Variants in GSTA2 observed in about 807,000 individuals in gnomAD.
GSTA2 encodes glutathione S-transferase A2.
In GSTA2, 27 loss-of-function variants were observed where a neutral mutation model predicts 22.4. The observed-to-expected ratio is 1.21, with a 90% CI of 0.89 to 1.67. The LOEUF is 1.67. Ranked by LOEUF, GSTA2 falls within the 40% of genes most tolerant of loss-of-function variation. The pLI is 0.00. For synonymous variants in GSTA2, 121 were observed against 86.8 expected, an observed-to-expected ratio of 1.39 and a Z score of -2.19; for missense variants, 302 against 260.2, an observed-to-expected ratio of 1.16 and a Z score of -1.11.
chr6:52,762,372 T>A (rs758608654), intron 1 of GSTA2, among the ~76,000 whole-genome samples: 1 of 152,248 alleles, frequency 6.6e-6, no homozygotes, highest in Non-Finnish European at 1.5e-5. Context: ...AACCCAATTG[T>A]ATGTTCCATC....
chr6:52,753,867 C>T (rs971600953), intron 4 of GSTA2, among the ~76,000 whole-genome samples: 1 of 152,152 alleles, frequency 6.6e-6, no homozygotes, highest in African/African-American at 2.4e-5. Flanking sequence ...TAGCGGTATT[C>T]TTCATTTTTC....
At chr6:52,758,106 G>A (rs1762882705) in intron 1 of GSTA2, 129 bp from the exon 2 acceptor site, 1 of 596,530 alleles carries the variant, frequency 1.7e-6, no homozygotes, top group Non-Finnish European at 2.9e-6. Flanking sequence ...CGGTGTTGGA[G>A]GAGTTCCCGG....
chr6:52,757,314 T>C (rs1203870902), intron 2 of GSTA2, among the ~76,000 whole-genome samples: 1 of 129,472 alleles, frequency 7.7e-6, no homozygotes, highest in Non-Finnish European at 1.6e-5. Context: ...GCATAATGAT[T>C]CTCCTTATAC....
intron 4 of GSTA2, among the ~76,000 whole-genome samples, chr6:52,753,916 C>A (rs1762792625): frequency 6.6e-6 from 1 of 152,230 alleles, no homozygotes; most frequent in South Asian, 2.1e-4. Flanking sequence ...AATCACTAAT[C>A]TACTTTCTAC....
chr6:52,756,152 G>C, intron 3 of GSTA2, 106 bp downstream of exon 3: 1 of 732,254 alleles, frequency 1.4e-6, no homozygotes, highest in Non-Finnish European at 2.5e-6. Context: ...TCTGCACCAT[G>C]TACAAATACC....
In GSTA2 at chr6:52,754,935, T is replaced by C. The variant is rs1465382138; in HGVS notation, c.272+8A>G. ...TCTGTGGATGGAAGAACAGAAAATA[T>C]ACCGTACAGGGCTTTCTCCTTTATG... On this transcript the variant is annotated splice_region_variant and intron_variant, in intron 4 of 6. Coordinates refer to ENST00000493422, the MANE Select transcript of GSTA2 (RefSeq NM_000846.5). 4 of 1,612,716 alleles carry C rather than the reference T, an allele frequency of 2.5e-6. No homozygotes were observed. The highest frequency in any genetic ancestry group is 1.1e-5 in the South Asian group (1 of 90,994).
At chr6:52,752,738 T>C (rs1218027865) in intron 5 of GSTA2, 116 bp downstream of exon 5, 7 of 1,289,486 alleles carry the variant, frequency 5.4e-6, no homozygotes, top group Admixed American at 1.8e-5. Context: ...GAGTGCTGCA[T>C]TGGTGTCCAG....
chr6:52,763,383 C>A (rs1762985548), intron 1 of GSTA2, 61 bp downstream of exon 1: 1 of 177,386 alleles, frequency 5.6e-6, no homozygotes, highest in Non-Finnish European at 1.2e-5. Flanking sequence ...GTGTATTTTT[C>A]TAGGAGGCTA....
Position 52,752,860 on chromosome 6 carries a change from A to G in GSTA2, c.408T>C (p.Phe136=). ...ACTGAACAGCTTCACTTACTTTTTC[A>G]AAGGCAGGGAAGTAGCGATTTTTTG... ...EKTKNRYFPA[F]EKVLKSHGQD... Residue 136 remains phenylalanine (F), a synonymous_variant, in exon 5 of 7, where the codon TTT becomes TTC. Coordinates refer to ENST00000493422, the MANE Select transcript of GSTA2 (RefSeq NM_000846.5). 2 of 1,613,810 alleles carry G rather than the reference A, an allele frequency of 1.2e-6. No individual in the cohort carries two copies. The highest frequency in any genetic ancestry group is 2.2e-5 in the East Asian group (1 of 44,854).
At chr6:52,754,257 G>C (rs985902871) in intron 4 of GSTA2, among the ~76,000 whole-genome samples, 1 of 152,134 alleles carries the variant, frequency 6.6e-6, no homozygotes, top group African/African-American at 2.4e-5. Context: ...GGAACTGCTG[G>C]GTCATCGGTA....
intron 1 of GSTA2, among the ~76,000 whole-genome samples, chr6:52,759,124 C>T (rs1263568954): frequency 6.6e-6 from 1 of 152,172 alleles, no homozygotes; most frequent in Non-Finnish European, 1.5e-5. Flanking sequence ...TAGAAAATAT[C>T]AGTGAGCATG....
intron 5 of GSTA2, among the ~76,000 whole-genome samples, chr6:52,752,240 A>G (rs1480960515): frequency 2.0e-5 from 3 of 152,102 alleles, no homozygotes; most frequent in African/African-American, 7.2e-5. Context: ...ACCTGAATTC[A>G]TCATCTTTTT....
intron 1 of GSTA2, among the ~76,000 whole-genome samples, chr6:52,759,504 TG>T (rs1160255419): frequency 6.6e-6 from 1 of 151,626 alleles, no homozygotes; most frequent in African/African-American, 2.4e-5. Flanking sequence ...TGCAAAGTTT[TG>T]TGGTTGTTGA....
At chr6:52,752,148 T>C (rs1046993353) in intron 5 of GSTA2, among the ~76,000 whole-genome samples, 2 of 152,204 alleles carry the variant, frequency 1.3e-5, no homozygotes, top group African/African-American at 4.8e-5. Context: ...AGAAGGAGAC[T>C]ATTTCAGAGT....
chr6:52,750,288 A>G lies in GSTA2; in HGVS notation c.*289T>C, dbSNP rs547438449. On this transcript the variant is annotated 3_prime_UTR_variant, in exon 7 of 7. Coordinates refer to ENST00000493422, the MANE Select transcript of GSTA2 (RefSeq NM_000846.5). ...TATGTTACAGGGCAATTCTTGGAAA[A>G]GTCAAACAAACCACATAATTTATAG... is the stretch of plus-strand genomic sequence containing the variant. 3.8e-6 allele frequency: 1 copy of G among 265,648 alleles called. No individual in the cohort carries two copies. The highest frequency in any genetic ancestry group is 7.2e-6 in the Non-Finnish European group (1 of 139,332). The allele number at this position is 265,648 out of a possible 1,614,324, so 16.5% of individuals were successfully genotyped here.
chr6:52,758,895 G>T (rs1414321414), intron 1 of GSTA2, among the ~76,000 whole-genome samples: 1 of 152,074 alleles, frequency 6.6e-6, no homozygotes, highest in Non-Finnish European at 1.5e-5. Flanking sequence ...ATTACCTAAG[G>T]TTAATGTGGT....
At chr6:52,755,705 A>G (rs1382965615) in intron 3 of GSTA2, among the ~76,000 whole-genome samples, 1 of 151,912 alleles carries the variant, frequency 6.6e-6, no homozygotes, top group Non-Finnish European at 1.5e-5. Flanking sequence ...AGTACTGGCA[A>G]CAAGATGTCA....
intron 4 of GSTA2, among the ~76,000 whole-genome samples, chr6:52,753,713 C>T (rs891665314): frequency 1.2e-4 from 19 of 152,344 alleles, no homozygotes; most frequent in Middle Eastern, 6.8e-3. Context: ...AAGAGCTTTA[C>T]TGATGCATAT....
At position 52,750,720 on chromosome 6, in the gene GSTA2, C is replaced by T. The variant is rs753912084; in HGVS notation, c.547-21G>A. On this transcript the variant is annotated intron_variant, in intron 6 of 6. Coordinates refer to ENST00000493422, the MANE Select transcript of GSTA2 (RefSeq NM_000846.5). ...AGGGCCTGTAATCCACAAAGCACAG[C>T]CTCACTAAAACAACAAGTCAAGGGC... 3 of 1,611,094 alleles carry T rather than the reference C, an allele frequency of 1.9e-6. No individual in the cohort carries two copies. In the South Asian group the frequency reaches 3.3e-5, roughly 18 times the overall value.
Sources: gnomAD v4.1 joint callset for allele counts (sites outside exome capture counted in the v4.1 genomes callset) on GRCh38, gnomAD v4.1.1 for gene constraint, MANE v1.5 for transcripts, NCBI Gene and HGNC (gene_info 2026-07-23, HGNC 2026-07-21) for gene names.